Variants in PCDHGB4 observed in about 807,000 individuals in gnomAD.
PCDHGB4 encodes protocadherin gamma-B4.
A neutral mutation model predicts 60.5 loss-of-function variants in PCDHGB4; 38 were observed. The observed-to-expected ratio is 0.63, with a 90% CI of 0.48 to 0.82. The LOEUF is 0.82. Ranked by LOEUF, PCDHGB4 falls within the 40% of genes least tolerant of loss-of-function variation. PCDHGB4 has a pLI of 0.00. For missense variants in PCDHGB4, 1,109 were observed against 1,209.6 expected (o/e 0.92, Z 1.23); for synonymous variants, 456 against 509.7 (o/e 0.89, Z 1.42).
At chr5:141,416,033 C>T (rs770398549) in intron 1 of PCDHGB4, 22 of 202,600 alleles carry the variant, frequency 1.1e-4, no homozygotes, top group Non-Finnish European at 1.9e-4. Flanking sequence ...AAAGAAATCA[C>T]CTCTGGAAAC....
At chr5:141,393,709 G>A (rs941272065) in intron 1 of PCDHGB4, 14 of 1,613,826 alleles carry the variant, frequency 8.7e-6, no homozygotes, top group Non-Finnish European at 9.3e-6. Context: ...GAAAATACTG[G>A]GGAAATATCA....
At chr5:141,430,206 TTATTA>T (rs1267858049) in intron 1 of PCDHGB4, among the ~76,000 whole-genome samples, 2 of 151,984 alleles carry the variant, frequency 1.3e-5, no homozygotes, top group African/African-American at 4.8e-5. Flanking sequence ...AAAGTTTAAA[TTATTA>T]TATTATATGA....
At position 141,485,010 on chromosome 5, in the gene PCDHGB4, C is replaced by T; in HGVS notation, c.2398-9797C>T. 1 of 629,958 alleles carries T rather than the reference C, an allele frequency of 1.6e-6. No homozygotes were observed. The highest frequency in any genetic ancestry group is 2.9e-6 in the Non-Finnish European group (1 of 350,608). 39.0% of individuals were successfully genotyped at this position (629,958 alleles called of 1,614,324 possible). On this transcript the variant is annotated intron_variant, in intron 1 of 3. Coordinates refer to ENST00000519479, the MANE Select transcript of PCDHGB4 (RefSeq NM_003736.4). This position sits in a 1 kb window ranked among gnomAD's most constrained non-coding sequence, Gnocchi z 5.7. ...GTGGTGAAAGGCAGACAAATCTACC[C>T]CGCCACCAGCAAAAACGGCGCGTAA...
Position 141,486,793 on chromosome 5 carries a change from G to C in PCDHGB4, c.2398-8014G>C. ...AGTTTGAGGTGCAGGCCCGGGATCG[G>C]GGCAACCCACCCCTTAGCAGCACTG... is the stretch of plus-strand genomic sequence containing the variant. On this transcript the variant is annotated intron_variant, in intron 1 of 3. Transcript: ENST00000519479. This position sits in a 1 kb window ranked among gnomAD's most constrained non-coding sequence, Gnocchi z 5.0. 6.2e-7 allele frequency: 1 copy of C among 1,614,244 alleles called. No homozygotes were observed. Among genetic ancestry groups the C allele is most frequent in the Non-Finnish European group, 8.5e-7 (1 of 1,180,050 alleles).
Position 141,450,758 on chromosome 5 carries a change from A to C in PCDHGB4, c.2398-44049A>C, listed in dbSNP as rs1007910264. On this transcript the variant is annotated intron_variant, in intron 1 of 3. Transcript: ENST00000519479. ...CGCCTTGGCCTCCCAAAGTGCCGGGATTACAGGCATGAGCCACCGTGCCCG... is the reference window on the plus strand; with the variant it reads ...CGCCTTGGCCTCCCAAAGTGCCGGGCTTACAGGCATGAGCCACCGTGCCCG... Among the ~76,000 whole-genome samples the C allele has an allele frequency of 5.3e-5, 8 of 151,784 alleles. No individual in the cohort carries two copies. In the East Asian group the frequency reaches 1.4e-3, roughly 26 times the overall value.
chr5:141,508,731 A>C (rs1596169554), intron 3 of PCDHGB4, among the ~76,000 whole-genome samples: 6 of 145,538 alleles, frequency 4.1e-5, no homozygotes, highest in African/African-American at 5.1e-5. Context: ...GGGAGACTAC[A>C]CCCCCCACCC....
chr5:141,469,881 G>A (rs922510082), intron 1 of PCDHGB4, among the ~76,000 whole-genome samples: 11 of 152,056 alleles, frequency 7.2e-5, no homozygotes, highest in Admixed American at 3.3e-4. Context: ...CTGTAATCTC[G>A]GCACTTTGGG....
chr5:141,397,910 C>T lies in PCDHGB4; in HGVS notation c.2397+7629C>T. 5 of 680,806 alleles carry T rather than the reference C, an allele frequency of 7.3e-6. No individual in the cohort carries two copies. The South Asian group carries it at 8.1e-5, about 11-fold the overall frequency. 42.2% of individuals were successfully genotyped at this position (680,806 alleles called of 1,614,324 possible). On this transcript the variant is annotated intron_variant, in intron 1 of 3. Transcript: ENST00000519479. ...TGGCCAAAGTGCAGAGCTTGGCGCT[C>T]CAGATCTCCTCGCGCAGCCGCAGCG...
At chr5:141,500,453 C>G (rs1403599390) in intron 2 of PCDHGB4, among the ~76,000 whole-genome samples, 1 of 152,246 alleles carries the variant, frequency 6.6e-6, no homozygotes, top group African/African-American at 2.4e-5. Flanking sequence ...TCGTGATCCG[C>G]CCGCCTCGGC....
intron 1 of PCDHGB4, among the ~76,000 whole-genome samples, chr5:141,450,826 A>ATT (rs764729742): frequency 0.025 from 3,390 of 134,266 alleles, 60 homozygotes; most frequent in Middle Eastern, 0.057. Flanking sequence ...TATTATTATT[A>ATT]TTATTTTTTT....
At chr5:141,438,591 C>CATATATATAT (rs946798767) in intron 1 of PCDHGB4, among the ~76,000 whole-genome samples, 17 of 75,552 alleles carry the variant, frequency 2.3e-4, no homozygotes, top group Non-Finnish European at 3.8e-4. Context: ...TACATACATA[C>CATATATATAT]ATATATATAT....
At chr5:141,419,918 G>C (rs370039875) in intron 1 of PCDHGB4, 30 of 1,613,978 alleles carry the variant, frequency 1.9e-5, no homozygotes, top group Non-Finnish European at 2.5e-5. Flanking sequence ...CTCCCAGGCT[G>C]AGATGCAGTT....
At chr5:141,413,020 C>G in intron 1 of PCDHGB4, 7 of 693,768 alleles carry the variant, frequency 1.0e-5, no homozygotes, top group Non-Finnish European at 1.4e-5. Context: ...CTACACAAGC[C>G]CCACAAACCG....
intron 1 of PCDHGB4, chr5:141,419,136 A>G: frequency 1.9e-6 from 3 of 1,613,918 alleles, no homozygotes; most frequent in Non-Finnish European, 1.7e-6. Context: ...GCAGCCACAG[A>G]CAGGGGCAAG....
intron 1 of PCDHGB4, chr5:141,419,126 G>A: frequency 6.2e-7 from 1 of 1,613,770 alleles, no homozygotes; most frequent in Non-Finnish European, 8.5e-7. Context: ...CGTCACCATC[G>A]CAGCCACAGA....
intron 1 of PCDHGB4, chr5:141,399,349 C>T (rs1467940246): frequency 6.2e-7 from 1 of 1,613,932 alleles, no homozygotes; most frequent in East Asian, 2.2e-5. Context: ...AACCCTAGAC[C>T]GAGAGCAAAC....
At chr5:141,472,046 A>T (rs945911971) in intron 1 of PCDHGB4, among the ~76,000 whole-genome samples, 4 of 152,210 alleles carry the variant, frequency 2.6e-5, no homozygotes, top group Non-Finnish European at 4.4e-5. Context: ...AAAAGATTTT[A>T]AAAATGATTG....
intron 1 of PCDHGB4, among the ~76,000 whole-genome samples, chr5:141,464,076 C>A (rs561982216): frequency 3.1e-4 from 47 of 152,132 alleles, no homozygotes; most frequent in African/African-American, 9.4e-4. Context: ...GCCAGCCTGG[C>A]CAACATGGTG....
At chr5:141,404,891 C>G in intron 1 of PCDHGB4, 1 of 1,613,898 alleles carries the variant, frequency 6.2e-7, no homozygotes, top group African/African-American at 1.3e-5. Context: ...GGTGGCTGTA[C>G]AGGACCATGG....
Sources: allele counts gnomAD v4.1 joint callset (sites outside exome capture counted in the v4.1 genomes callset), GRCh38; gene constraint gnomAD v4.1.1; non-coding constraint Gnocchi (gnomAD v3.1); transcripts MANE v1.5; gene names NCBI Gene and HGNC (gene_info 2026-07-23, HGNC 2026-07-21).